Variants in PTBP2 observed in about 807,000 individuals in gnomAD.
The protein encoded by PTBP2 is polypyrimidine tract binding protein 2, also known as polypyrimidine tract-binding protein 2.
A neutral mutation model predicts 61.4 loss-of-function variants in PTBP2; 13 were observed. That is an observed-to-expected ratio of 0.21 (90% CI 0.14 to 0.34). PTBP2 has a LOEUF of 0.34. Ranked by LOEUF, PTBP2 falls within the 10% of genes least tolerant of loss-of-function variation. The pLI is 1.00. For synonymous variants in PTBP2, 215 were observed against 218.5 expected, an observed-to-expected ratio of 0.98 and a Z score of 0.14; for missense variants, 405 against 642.6, an observed-to-expected ratio of 0.63 and a Z score of 4.00.
In PTBP2 at chr1:96,777,862, G is replaced by A; in HGVS notation, c.624G>A (p.Leu208=). 2 of 1,585,122 alleles carry A rather than the reference G, an allele frequency of 1.3e-6. No homozygotes were observed. Among genetic ancestry groups the A allele is most frequent in the South Asian group, 1.2e-5 (1 of 84,356 alleles). Residue 208 remains leucine (L), a synonymous_variant, in exon 7 of 14, where the codon TTG becomes TTA. Coordinates refer to ENST00000674951, the MANE Select transcript of PTBP2 (RefSeq NM_021190.4). Reference sequence around the variant, plus strand: ...TATTTTCTAAGTTTGGTGCTGTATTGAAGATAATCACATTTACAAAAAATA... The same window carrying A: ...TATTTTCTAAGTTTGGTGCTGTATTAAAGATAATCACATTTACAAAAAATA... ...HQIFSKFGAV[L]KIITFTKNNQ...
chr1:96,785,058 G>A lies in PTBP2; in HGVS notation c.709-1G>A. ...CTGATATGCTTTATTCACTTTTACAGGCCCTAGATGGTCAGAATATTTATA... is the reference window on the plus strand; with the variant it reads ...CTGATATGCTTTATTCACTTTTACAAGCCCTAGATGGTCAGAATATTTATA... On this transcript the variant is annotated splice_acceptor_variant, in intron 7 of 13. Transcript: ENST00000674951. LOFTEE classifies it high-confidence loss of function. 6.4e-7 allele frequency: 1 copy of A among 1,551,616 alleles called. No homozygotes were observed. The highest frequency in any genetic ancestry group is 8.7e-7 in the Non-Finnish European group (1 of 1,149,798).
chr1:96,816,220 A>T (rs1044796064), downstream of PTBP2: 1 of 152,214 alleles, frequency 6.6e-6, no homozygotes, highest in African/African-American at 2.4e-5. Context: ...TTCCTTCCAA[A>T]GCACCAAGTC....
chr1:96,802,173 T>C (rs1271484671), intron 8 of PTBP2, among the ~76,000 whole-genome samples: 1 of 126,908 alleles, frequency 7.9e-6, no homozygotes, highest in Non-Finnish European at 1.6e-5. Flanking sequence ...ATCACGCCAC[T>C]GCACTCCAAC....
At chr1:96,741,261 ATTTTTG>A (rs1401697866) in intron 2 of PTBP2, among the ~76,000 whole-genome samples, 1 of 149,386 alleles carries the variant, frequency 6.7e-6, no homozygotes, top group East Asian at 2.0e-4. Context: ...GTTTTGTTTC[ATTTTTG>A]TTTTTGTTTT....
chr1:96,779,511 TA>T (rs1214734934), intron 7 of PTBP2, among the ~76,000 whole-genome samples: 1 of 152,120 alleles, frequency 6.6e-6, no homozygotes, highest in African/African-American at 2.4e-5. Flanking sequence ...TTAAATCTCA[TA>T]AAAGTACCTC....
At chr1:96,823,694 C>T (rs1662754958) in exon 14 of PTBP2, 1 of 152,190 alleles carries the variant, frequency 6.6e-6, no homozygotes, top group East Asian at 1.9e-4. Flanking sequence ...CTATCTACTT[C>T]CAATTTTTTA....
intron 2 of PTBP2, among the ~76,000 whole-genome samples, chr1:96,744,215 T>G (rs1262023353): frequency 1.3e-5 from 2 of 152,006 alleles, no homozygotes; most frequent in Admixed American, 6.6e-5. Flanking sequence ...CAGACTGAGA[T>G]TCCATCTAAA....
intron 2 of PTBP2, among the ~76,000 whole-genome samples, chr1:96,745,158 T>C (rs1376623491): frequency 6.7e-6 from 1 of 148,918 alleles, no homozygotes; most frequent in Non-Finnish European, 1.5e-5. Context: ...GTATATTCCA[T>C]ATGCAGCAAT....
intron 8 of PTBP2, among the ~76,000 whole-genome samples, chr1:96,790,993 A>G (rs1269095234): frequency 1.4e-5 from 2 of 145,786 alleles, no homozygotes; most frequent in African/African-American, 5.2e-5. Flanking sequence ...ATTATAAATC[A>G]CTTTTCTCGT....
chr1:96,751,415 G>A lies in PTBP2; in HGVS notation c.40-10G>A. 1 of 1,606,036 alleles carries A rather than the reference G, an allele frequency of 6.2e-7. No individual in the cohort carries two copies. Among genetic ancestry groups the A allele is most frequent in the South Asian group, 1.1e-5 (1 of 90,450 alleles). On this transcript the variant is annotated splice_polypyrimidine_tract_variant and intron_variant, in intron 2 of 13. Transcript: ENST00000674951. ...AGATGTCTTATGCTAATTTGTTTTT[G>A]TTTTCATAGAGAGGATCTGACGAAC...
chr1:96,724,881 A>G (rs1650173688), intron 2 of PTBP2, among the ~76,000 whole-genome samples: 1 of 152,122 alleles, frequency 6.6e-6, no homozygotes, highest in Non-Finnish European at 1.5e-5. Context: ...TTGTATCCAT[A>G]ATGATGTGGT....
At chr1:96,809,330 A>G (rs1661810307) in intron 11 of PTBP2, among the ~76,000 whole-genome samples, 1 of 152,232 alleles carries the variant, frequency 6.6e-6, no homozygotes. Context: ...CGCATATGGA[A>G]CATTTTTGAA....
intron 7 of PTBP2, among the ~76,000 whole-genome samples, chr1:96,778,882 G>T (rs1365875533): frequency 6.6e-6 from 1 of 152,088 alleles, no homozygotes; most frequent in Non-Finnish European, 1.5e-5. Context: ...AAAATTAGTT[G>T]TAGGTAGCAG....
intron 3 of PTBP2, among the ~76,000 whole-genome samples, chr1:96,760,012 T>G (rs1174274928): frequency 1.3e-5 from 2 of 152,116 alleles, no homozygotes; most frequent in Admixed American, 6.5e-5. Context: ...CCATGAGACT[T>G]ACTTCACTGT....
intron 8 of PTBP2, among the ~76,000 whole-genome samples, chr1:96,786,451 G>A (rs1437868804): frequency 6.6e-6 from 1 of 152,160 alleles, no homozygotes; most frequent in Non-Finnish European, 1.5e-5. Flanking sequence ...ACCTCTGTGT[G>A]TGTCTAGCTT....
At chr1:96,753,796 A>G (rs879265503) in intron 3 of PTBP2, among the ~76,000 whole-genome samples, 1 of 152,180 alleles carries the variant, frequency 6.6e-6, no homozygotes, top group Non-Finnish European at 1.5e-5. Flanking sequence ...AATAGTTGGG[A>G]CTGATTCACT....
At chr1:96,750,225 C>A (rs932596949) in intron 2 of PTBP2, among the ~76,000 whole-genome samples, 1 of 151,902 alleles carries the variant, frequency 6.6e-6, no homozygotes, top group Admixed American at 6.6e-5. Flanking sequence ...TCAATTAGAT[C>A]TTAGGGACTA....
Position 96,813,489 on chromosome 1 carries a change from T to C in PTBP2, c.*84T>C. ...CTGTTCAGAAAAGTGGGGACCAGAG[T>C]TTGATTTTTTTTGTTTTTGTTTTTT... On this transcript the variant is annotated 3_prime_UTR_variant, in exon 14 of 14. Transcript: ENST00000674951. 7.8e-7 allele frequency: 1 copy of C among 1,286,530 alleles called. No individual in the cohort carries two copies. The highest frequency in any genetic ancestry group is 1.0e-6 in the Non-Finnish European group (1 of 971,428). 79.7% of individuals were successfully genotyped at this position (1,286,530 alleles called of 1,614,324 possible).
At chr1:96,724,215 T>G (rs891875394) in intron 2 of PTBP2, among the ~76,000 whole-genome samples, 6 of 151,926 alleles carry the variant, frequency 3.9e-5, no homozygotes, top group African/African-American at 1.4e-4. Context: ...TCTTGAGTAC[T>G]TGCAACTTTT....
Sources: allele counts gnomAD v4.1 joint callset (sites outside exome capture counted in the v4.1 genomes callset), GRCh38; gene constraint gnomAD v4.1.1; transcripts MANE v1.5; gene names NCBI Gene and HGNC (gene_info 2026-07-23, HGNC 2026-07-21).